The following PDE4B variants were observed in gnomAD, a reference collection of about 807,000 sequenced individuals.
The protein encoded by PDE4B is phosphodiesterase 4B.
A neutral mutation model predicts 82.2 loss-of-function variants in PDE4B; 20 were observed. The observed-to-expected ratio is 0.24, with a 90% CI of 0.17 to 0.35. The LOEUF is 0.35. Ranked by LOEUF, PDE4B falls within the 10% of genes least tolerant of loss-of-function variation. PDE4B has a pLI of 1.00. For synonymous variants in PDE4B, 320 were observed against 318.9 expected (o/e 1.00, Z -0.04); for missense variants, 655 against 907.2 (o/e 0.72, Z 3.57).
intron 7 of PDE4B, among the ~76,000 whole-genome samples, chr1:66,287,351 G>A (rs987486896): frequency 6.6e-6 from 1 of 152,086 alleles, no homozygotes. Flanking sequence ...CTCCCTGAGG[G>A]CAAAGTCTGT....
chr1:66,055,775 A>G (rs1011973707), intron 3 of PDE4B, among the ~76,000 whole-genome samples: 3 of 152,212 alleles, frequency 2.0e-5, no homozygotes, highest in Non-Finnish European at 4.4e-5. Flanking sequence ...TTAACAGTAG[A>G]TAACATTTTG....
At chr1:66,084,089 C>A (rs890733239) in intron 3 of PDE4B, among the ~76,000 whole-genome samples, 1 of 151,916 alleles carries the variant, frequency 6.6e-6, no homozygotes, top group African/African-American at 2.4e-5. Flanking sequence ...AAAGGGTAAG[C>A]CTTAATTCAA....
At chr1:66,228,873 T>C (rs1157810760) in intron 3 of PDE4B, among the ~76,000 whole-genome samples, 1 of 142,086 alleles carries the variant, frequency 7.0e-6, no homozygotes, top group African/African-American at 2.4e-5. Context: ...AAGCAAAAGA[T>C]AAAGAGTTCT....
chr1:66,069,479 C>T (rs548800131), intron 3 of PDE4B, among the ~76,000 whole-genome samples: 47 of 152,100 alleles, frequency 3.1e-4, no homozygotes, highest in East Asian at 3.9e-4. Context: ...TATGATTATA[C>T]TTCTGCCTTT....
intron 7 of PDE4B, among the ~76,000 whole-genome samples, chr1:66,297,415 G>A (rs527245042): frequency 6.6e-6 from 1 of 151,960 alleles, no homozygotes; most frequent in Non-Finnish European, 1.5e-5. Flanking sequence ...ACATCCCTAC[G>A]TACTATATTT....
intron 3 of PDE4B, chr1:66,042,433 TATTA>T (rs1176685430): frequency 6.6e-6 from 1 of 151,806 alleles, no homozygotes; most frequent in Non-Finnish European, 1.5e-5. Context: ...TAATGTATAA[TATTA>T]ATTATGTACA....
intron 8 of PDE4B, among the ~76,000 whole-genome samples, chr1:66,345,229 T>C (rs1461095117): frequency 6.6e-6 from 1 of 152,172 alleles, no homozygotes; most frequent in African/African-American, 2.4e-5. Context: ...GCAAAGTTGT[T>C]CTCTTTGCTC....
chr1:65,872,115 G>A (rs996180167), intron 1 of PDE4B, among the ~76,000 whole-genome samples: 2 of 151,822 alleles, frequency 1.3e-5, no homozygotes, highest in African/African-American at 2.4e-5. Context: ...TCTTCCTTTG[G>A]GCTTATCAAA....
chr1:66,368,161 T>C, intron 15 of PDE4B, 96 bp downstream of exon 15: 1 of 1,335,768 alleles, frequency 7.5e-7, no homozygotes, highest in South Asian at 1.3e-5. Context: ...CAGTTATTGG[T>C]ATATCCTAGG....
At chr1:66,354,081 G>T (rs950274910) in intron 8 of PDE4B, among the ~76,000 whole-genome samples, 2 of 152,268 alleles carry the variant, frequency 1.3e-5, no homozygotes, top group Non-Finnish European at 2.9e-5. Context: ...ACTGGCACAC[G>T]CTTGGTGTGT....
chr1:65,867,841 C>T (rs1385674116), intron 1 of PDE4B, among the ~76,000 whole-genome samples: 5 of 152,118 alleles, frequency 3.3e-5, no homozygotes, highest in Non-Finnish European at 5.9e-5. Context: ...TATTGATTTC[C>T]CAGACACAGT....
intron 3 of PDE4B, among the ~76,000 whole-genome samples, chr1:66,098,924 G>C (rs1416871372): frequency 6.6e-6 from 1 of 152,074 alleles, no homozygotes; most frequent in Non-Finnish European, 1.5e-5. Flanking sequence ...AGTGAGAATT[G>C]AATTACCGTA....
chr1:66,161,419 C>T (rs1444093286), intron 3 of PDE4B, among the ~76,000 whole-genome samples: 1 of 152,126 alleles, frequency 6.6e-6, no homozygotes, highest in Non-Finnish European at 1.5e-5. Context: ...TAATCTTACC[C>T]TAAATGCATT....
chr1:66,236,869 C>T (rs753840252), intron 3 of PDE4B, among the ~76,000 whole-genome samples: 1 of 152,146 alleles, frequency 6.6e-6, no homozygotes, highest in Admixed American at 6.5e-5. Flanking sequence ...TTTAAATCCA[C>T]GATGTACCAT....
intron 3 of PDE4B, among the ~76,000 whole-genome samples, chr1:66,187,003 G>A (rs148682385): frequency 0.097 from 14,702 of 152,066 alleles, 1,626 homozygotes; most frequent in East Asian, 0.52. Flanking sequence ...TTTGAGATAT[G>A]TCCCATCAAT....
intron 3 of PDE4B, among the ~76,000 whole-genome samples, chr1:66,246,460 A>G (rs977263148): frequency 2.0e-5 from 3 of 152,198 alleles, no homozygotes; most frequent in African/African-American, 7.2e-5. Flanking sequence ...TTTGTTCACC[A>G]TCTCTCTGCA....
chr1:66,097,566 G>A (rs1557558607), intron 3 of PDE4B, among the ~76,000 whole-genome samples: 2 of 151,766 alleles, frequency 1.3e-5, no homozygotes, highest in African/African-American at 4.8e-5. Flanking sequence ...TAATATCATG[G>A]CAATACAATG....
rs551156568 is a variant in PDE4B at position 66,122,558 on chromosome 1, C to T, written c.282-124902C>T. On this transcript the variant is annotated intron_variant, in intron 3 of 16. Coordinates refer to ENST00000341517, the MANE Select transcript of PDE4B (RefSeq NM_002600.4). Reference sequence around the variant, plus strand: ...AGTGGGTTAATTTTATACATGTAACCGTAAGATCACTTTTAGAAGACTATG... The same window carrying T: ...AGTGGGTTAATTTTATACATGTAACTGTAAGATCACTTTTAGAAGACTATG... 1.3e-3 allele frequency among the ~76,000 whole-genome samples: 192 copies of T among 152,074 alleles called. 1 individual carries two copies. Among genetic ancestry groups the T allele is most frequent in the African/African-American group, 4.6e-3 (191 of 41,468 alleles).
intron 3 of PDE4B, among the ~76,000 whole-genome samples, chr1:66,005,882 A>G (rs530343592): frequency 1.2e-4 from 19 of 152,264 alleles, no homozygotes; most frequent in Non-Finnish European, 2.6e-4. Context: ...CGGAGCACAT[A>G]TGCATTCATT....
Sources: allele counts gnomAD v4.1 joint callset (sites outside exome capture counted in the v4.1 genomes callset), GRCh38; gene constraint gnomAD v4.1.1; transcripts MANE v1.5; gene names NCBI Gene and HGNC (gene_info 2026-07-23, HGNC 2026-07-21).